The following OPCML variants were observed in gnomAD, a reference collection of about 807,000 sequenced individuals.
OPCML encodes opioid-binding protein/cell adhesion molecule.
In OPCML, 13 loss-of-function variants were observed where a neutral mutation model predicts 37.8. The ratio of observed to expected loss-of-function variants is 0.34; its 90% CI spans 0.22 to 0.55. The LOEUF (loss-of-function observed/expected upper bound fraction) is 0.55, where lower values mean the gene tolerates loss of function less well. Among genes scored for constraint, OPCML ranks in the 20% least tolerant of loss-of-function variants. OPCML has a pLI of 0.91. For missense variants in OPCML, 341 were observed against 435.6 expected (o/e 0.78, Z 1.93); for synonymous variants, 176 against 168.8 (o/e 1.04, Z -0.33).
chr11:133,045,459 C>T (rs766975839), intron 1 of OPCML, among the ~76,000 whole-genome samples: 2 of 152,206 alleles, frequency 1.3e-5, no homozygotes, highest in African/African-American at 2.4e-5. Context: ...TATCTGGCTT[C>T]TGGACAGAGC....
intron 1 of OPCML, among the ~76,000 whole-genome samples, chr11:133,412,288 A>C (rs1015376790): frequency 5.3e-5 from 8 of 152,212 alleles, no homozygotes; most frequent in Admixed American, 2.0e-4. Flanking sequence ...CAGCTGTCCC[A>C]CAGTGAGGCC....
chr11:132,477,971 T>C (rs996881942), intron 4 of OPCML, among the ~76,000 whole-genome samples: 5 of 152,190 alleles, frequency 3.3e-5, no homozygotes, highest in African/African-American at 1.2e-4. Context: ...TAATAGCAAA[T>C]AGAATTGCTT....
At chr11:132,964,646 C>G (rs1767493404) in intron 1 of OPCML, among the ~76,000 whole-genome samples, 1 of 152,142 alleles carries the variant, frequency 6.6e-6, no homozygotes, top group Admixed American at 6.5e-5. Flanking sequence ...TTCCTCCTGC[C>G]CAGTCGCTAC....
chr11:133,193,993 C>G (rs553999826), intron 1 of OPCML, among the ~76,000 whole-genome samples: 1 of 152,224 alleles, frequency 6.6e-6, no homozygotes, highest in African/African-American at 2.4e-5. Flanking sequence ...AAGCATGATA[C>G]TTTTAAGTTA....
intron 4 of OPCML, among the ~76,000 whole-genome samples, chr11:132,438,549 C>T (rs1297224412): frequency 6.6e-6 from 1 of 150,768 alleles, no homozygotes; most frequent in Non-Finnish European, 1.5e-5. Flanking sequence ...GGATGGTGTG[C>T]AAGTGTATAG....
At position 132,921,510 on chromosome 11, in the gene OPCML, A is replaced by G. The variant is rs1944801088; in HGVS notation, c.146+21416T>C. Among the ~76,000 whole-genome samples, 3 of 152,170 alleles carry G rather than the reference A, an allele frequency of 2.0e-5. No homozygotes were observed. The South Asian group carries it at 6.2e-4, about 31-fold the overall frequency. ...ATTACTATTTGCCAGCCCAACTGCAATTTCTCACTAATAACTTGCTGACAG... is the reference window on the plus strand; with the variant it reads ...ATTACTATTTGCCAGCCCAACTGCAGTTTCTCACTAATAACTTGCTGACAG... On this transcript the variant is annotated intron_variant, in intron 2 of 7. Coordinates refer to ENST00000524381, the MANE Select transcript of OPCML (RefSeq NM_001012393.5).
intron 1 of OPCML, among the ~76,000 whole-genome samples, chr11:133,302,980 G>A (rs1394221779): frequency 6.6e-6 from 1 of 152,138 alleles, no homozygotes; most frequent in African/African-American, 2.4e-5. Flanking sequence ...ATACTAAAAT[G>A]CCAAGATTTT....
At position 133,022,633 on chromosome 11, in the gene OPCML, A is replaced by C. The variant is rs114813356; in HGVS notation, c.62-79623T>G. On this transcript the variant is annotated intron_variant, in intron 1 of 7. Coordinates refer to ENST00000524381, the MANE Select transcript of OPCML (RefSeq NM_001012393.5). The stretch of plus-strand genomic sequence containing the variant: ...TAATGTGCCACCCAACCAAGGTGGA[A>C]CAGAAGTCCAGATAAATATTCATCA... Among the ~76,000 whole-genome samples the C allele has an allele frequency of 1.4e-3, 210 of 152,238 alleles. 1 individual carries two copies. Among genetic ancestry groups the C allele is most frequent in the African/African-American group, 4.9e-3 (204 of 41,530 alleles).
chr11:132,879,850 A>C (rs1943160313), intron 2 of OPCML, among the ~76,000 whole-genome samples: 1 of 152,210 alleles, frequency 6.6e-6, no homozygotes, highest in African/African-American at 2.4e-5. Flanking sequence ...AAAAAAATAC[A>C]AACAAAAACA....
chr11:132,728,606 C>T (rs1404655773), intron 2 of OPCML, among the ~76,000 whole-genome samples: 1 of 152,072 alleles, frequency 6.6e-6, no homozygotes, highest in Non-Finnish European at 1.5e-5. Context: ...ACACAGCCTC[C>T]ATGGTGACAG....
chr11:132,493,923 G>A (rs1258265563), intron 4 of OPCML, among the ~76,000 whole-genome samples: 1 of 152,180 alleles, frequency 6.6e-6, no homozygotes, highest in Non-Finnish European at 1.5e-5. Context: ...ATTTCCGGGT[G>A]CAAAACAATT....
At chr11:132,755,897 G>A (rs1946026663) in intron 2 of OPCML, among the ~76,000 whole-genome samples, 1 of 152,140 alleles carries the variant, frequency 6.6e-6, no homozygotes, top group Non-Finnish European at 1.5e-5. Flanking sequence ...GAGTGATGTG[G>A]CCTCGGAACA....
chr11:133,110,905 T>G (rs1276776425), intron 1 of OPCML, among the ~76,000 whole-genome samples: 1 of 152,216 alleles, frequency 6.6e-6, no homozygotes, highest in African/African-American at 2.4e-5. Flanking sequence ...TGAACACTCA[T>G]TAACCCCATG....
chr11:132,451,140 T>C (rs999620443), intron 4 of OPCML, among the ~76,000 whole-genome samples: 2 of 152,176 alleles, frequency 1.3e-5, no homozygotes, highest in Non-Finnish European at 2.9e-5. Flanking sequence ...AGAAAACAAG[T>C]GATATTTACA....
At chr11:133,008,512 A>C in intron 1 of OPCML, 1 of 835,380 alleles carries the variant, frequency 1.2e-6, no homozygotes, top group Non-Finnish European at 1.4e-6. Context: ...AGGTGCCAGG[A>C]ATATTCGCTG....
intron 1 of OPCML, among the ~76,000 whole-genome samples, chr11:133,039,434 C>T (rs1002790732): frequency 8.5e-5 from 13 of 152,190 alleles, no homozygotes; most frequent in Admixed American, 5.9e-4. Flanking sequence ...ATCAGAGGCG[C>T]TTGGGTTGGG....
At chr11:133,020,889 A>T (rs1354599798) in intron 1 of OPCML, among the ~76,000 whole-genome samples, 1 of 152,158 alleles carries the variant, frequency 6.6e-6, no homozygotes, top group Non-Finnish European at 1.5e-5. Context: ...TACAAGAGTG[A>T]CCTTGGCAAA....
At chr11:133,146,054 G>A (rs747552565) in intron 1 of OPCML, among the ~76,000 whole-genome samples, 3 of 152,148 alleles carry the variant, frequency 2.0e-5, no homozygotes, top group Non-Finnish European at 4.4e-5. Context: ...TGATTGAAGC[G>A]AGGGACTAGA....
chr11:133,410,634 TAAAAAAAAAAAAAAAAAAAA>T (rs71038527), intron 1 of OPCML, among the ~76,000 whole-genome samples: 633 of 47,016 alleles, frequency 0.013, 13 homozygotes, highest in African/African-American at 0.031. Flanking sequence ...AGAAAAAAAG[TAAAAAAAAAAAAAAAAAAAA>T]AAAAAAAAAA....
Sources: allele counts gnomAD v4.1 joint callset (sites outside exome capture counted in the v4.1 genomes callset), GRCh38; gene constraint gnomAD v4.1.1; transcripts MANE v1.5; gene names NCBI Gene and HGNC (gene_info 2026-07-23, HGNC 2026-07-21).